LAMA1: variants seen among roughly 807,000 people sequenced by gnomAD.
LAMA1 encodes laminin subunit alpha-1.
Under a neutral mutation model 348.7 loss-of-function variants are expected in LAMA1, and 219 were observed. The observed-to-expected ratio is 0.63, with a 90% CI of 0.56 to 0.70. The LOEUF (loss-of-function observed/expected upper bound fraction) is 0.70. Ranked by LOEUF, LAMA1 falls within the 30% of genes least tolerant of loss-of-function variation. The pLI, the probability that LAMA1 is intolerant of heterozygous loss-of-function variation, is 0.00. For missense variants in LAMA1, 3,744 were observed against 3,888.0 expected (o/e 0.96, Z 0.99); for synonymous variants, 1,487 against 1,491.0 (o/e 1.00, Z 0.06).
chr18:7,026,003 C>A lies in LAMA1; in HGVS notation c.2378G>T (p.Cys793Phe). Reference protein sequence around the residue: ...GTPGDCQPCACPLTIASNNFS... With the variant: ...GTPGDCQPCAFPLTIASNNFS... The stretch of plus-strand genomic sequence containing the variant: ...CTTGTTGGAGGCTATGGTGAGAGGG[C>A]AGGCGCAGGGCTGGCAGTCCCCAGG... Residue 793 changes from cysteine (C) to phenylalanine (F), a missense_variant, in exon 17 of 63, where the codon TGC (cysteine) becomes TTC (phenylalanine). This residue lies in a region of LAMA1 where 1,529 missense variants were observed against 1,689.4 expected (regional missense o/e 0.91). Coordinates refer to ENST00000389658, the MANE Select transcript of LAMA1 (RefSeq NM_005559.4). The A allele has an allele frequency of 6.2e-7, 1 of 1,608,720 alleles. No individual in the cohort carries two copies. The highest frequency in any genetic ancestry group is 8.5e-7 in the Non-Finnish European group (1 of 1,177,620).
intron 1 of LAMA1, among the ~76,000 whole-genome samples, chr18:7,114,494 G>C (rs2058348303): frequency 6.6e-6 from 1 of 152,180 alleles, no homozygotes; most frequent in Non-Finnish European, 1.5e-5. Flanking sequence ...TTATAAAATA[G>C]TAACAGTGAT....
chr18:7,078,632 A>G, intron 3 of LAMA1, among the ~76,000 whole-genome samples: 1 of 152,310 alleles, frequency 6.6e-6, no homozygotes, highest in East Asian at 1.9e-4. Flanking sequence ...TATTTGCTGT[A>G]ATTATTACAG....
intron 41 of LAMA1, among the ~76,000 whole-genome samples, chr18:6,981,546 T>C (rs1333808416): frequency 6.6e-6 from 1 of 152,238 alleles, no homozygotes; most frequent in Non-Finnish European, 1.5e-5. Context: ...AAATTTTAAT[T>C]GCCAGCAAGC....
chr18:6,974,720 T>A (rs2144034578), intron 46 of LAMA1, among the ~76,000 whole-genome samples, 183 bp downstream of exon 46: 1 of 152,250 alleles, frequency 6.6e-6, no homozygotes, highest in South Asian at 2.1e-4. Context: ...AGTGCTGGGA[T>A]TACAGGTGTG....
chr18:6,961,728 C>G lies in LAMA1; in HGVS notation c.7484G>C (p.Gly2495Ala). 1 of 1,614,128 alleles carries G rather than the reference C, an allele frequency of 6.2e-7. No homozygotes were observed. The highest frequency in any genetic ancestry group is 8.5e-7 in the Non-Finnish European group (1 of 1,180,010). ...PIRSVSFLKG[G>A]YIELPPKSLS... ...AGATTTGGGTGGCAATTCAATGTAG[C>G]CGCCTTTCAGGAAGCTAACACTCCG... Residue 2495 changes from glycine to alanine, a missense_variant, in exon 53 of 63, where the codon GGC becomes GCC. Physicochemically the swap from Gly to Ala is moderately conservative, Grantham distance 60 (BLOSUM62 0). Around this residue, in one of 3 missense-constraint regions of LAMA1, gnomAD observed 1,983 missense variants for 1,934.3 expected, o/e 1.03. Coordinates refer to ENST00000389658, the MANE Select transcript of LAMA1 (RefSeq NM_005559.4).
At chr18:7,014,543 G>A (rs1392831904) in intron 22 of LAMA1, among the ~76,000 whole-genome samples, 1 of 150,760 alleles carries the variant, frequency 6.6e-6, no homozygotes, top group Non-Finnish European at 1.5e-5. Context: ...GATTGCTTGA[G>A]CCCAAGAGGT....
intron 53 of LAMA1, among the ~76,000 whole-genome samples, chr18:6,960,991 C>T (rs1329540373): frequency 6.6e-6 from 1 of 152,222 alleles, no homozygotes; most frequent in Non-Finnish European, 1.5e-5. Flanking sequence ...TTGATTAAGA[C>T]AGTGTGCTAA....
intron 3 of LAMA1, among the ~76,000 whole-genome samples, chr18:7,065,232 C>CAAAAAAAAAAAAAAAAAAAAAAAAAAA (rs35224545): frequency 1.4e-5 from 1 of 71,422 alleles, no homozygotes; most frequent in African/African-American, 6.0e-5. Context: ...GACTCTATCT[C>CAAAAAAAAAAAAAAAAAAAAAAAAAAA]AAAAAAAAAA....
intron 36 of LAMA1, 81 bp downstream of exon 36, chr18:6,992,480 G>C: frequency 1.3e-6 from 2 of 1,486,836 alleles, no homozygotes; most frequent in Non-Finnish European, 1.9e-6. Context: ...TTTCTTCCAC[G>C]ATGCCTCCTT....
intron 16 of LAMA1, among the ~76,000 whole-genome samples, chr18:7,031,628 C>T (rs2057969383): frequency 6.7e-6 from 1 of 150,108 alleles, no homozygotes; most frequent in Non-Finnish European, 1.5e-5. Flanking sequence ...CTGCAGTAAG[C>T]AGTGTTGGTG....
chr18:6,980,726 G>A (rs1240517277), intron 41 of LAMA1, 89 bp from the exon 42 acceptor site: 1 of 740,920 alleles, frequency 1.3e-6, no homozygotes, highest in Non-Finnish European at 2.4e-6. Flanking sequence ...ACCATCGACA[G>A]AATTCATAGC....
chr18:7,043,112 A>C (rs1294673025), intron 8 of LAMA1, 115 bp downstream of exon 8: 1 of 975,618 alleles, frequency 1.0e-6, no homozygotes, highest in Non-Finnish European at 1.6e-6. Context: ...TGGCATAACA[A>C]GGATATAAAT....
rs1476201372 is a variant in LAMA1, at chr18:6,966,134, C to T, written c.7050+13G>A. On this transcript the variant is annotated intron_variant, in intron 49 of 62. Coordinates refer to ENST00000389658, the MANE Select transcript of LAMA1 (RefSeq NM_005559.4). ...GTATACAGTAGGGCCTAGGGCCGCACAAACACTCTTACTGTGCCGTATGAA... is the reference window on the plus strand; with the variant it reads ...GTATACAGTAGGGCCTAGGGCCGCATAAACACTCTTACTGTGCCGTATGAA... 6.2e-7 allele frequency: 1 copy of T among 1,614,006 alleles called. No homozygotes were observed.
At chr18:6,965,715 C>A (rs536915471) in intron 49 of LAMA1, 2 of 450,288 alleles carry the variant, frequency 4.4e-6, no homozygotes, top group Non-Finnish European at 8.0e-6. Context: ...ACAAGGGGCC[C>A]GTTCTAAAAA....
chr18:7,068,246 A>G (rs1444816780), intron 3 of LAMA1, among the ~76,000 whole-genome samples: 2 of 152,110 alleles, frequency 1.3e-5, no homozygotes, highest in South Asian at 2.1e-4. Context: ...GCAGAAGCCT[A>G]TTTTTCCCCA....
At chr18:6,956,801 A>T (rs754712715) in intron 55 of LAMA1, 36 bp from the exon 56 acceptor site, 1 of 1,613,240 alleles carries the variant, frequency 6.2e-7, no homozygotes, top group Non-Finnish European at 8.5e-7. Flanking sequence ...CAAAATTAGG[A>T]TATCACAAAC....
At chr18:6,991,213 C>A (rs1043010629) in intron 36 of LAMA1, among the ~76,000 whole-genome samples, 1 of 152,010 alleles carries the variant, frequency 6.6e-6, no homozygotes, top group African/African-American at 2.4e-5. Flanking sequence ...CCTAACAAAT[C>A]AACAACGTCA....
rs141508411 is a variant in LAMA1, at chr18:6,991,682, G to A, written c.5168+879C>T. 6.5e-3 allele frequency among the ~76,000 whole-genome samples: 993 copies of A among 151,972 alleles called. 11 individuals carry two copies. The highest frequency in any genetic ancestry group is 0.023 in the African/African-American group (969 of 41,456). On this transcript the variant is annotated intron_variant, in intron 36 of 62. Transcript: ENST00000389658. Reference sequence around the variant, plus strand: ...TGGGATTACATGCGTGAGCCACCACGCCCAGCCAATAATTCTACTTCTTAA... The same window carrying A: ...TGGGATTACATGCGTGAGCCACCACACCCAGCCAATAATTCTACTTCTTAA...
chr18:7,105,441 AAAATAAATAAATAAAT>A (rs762965770), intron 1 of LAMA1, among the ~76,000 whole-genome samples: 8 of 144,364 alleles, frequency 5.5e-5, no homozygotes, highest in Non-Finnish European at 1.0e-4. Context: ...TTCATCTCAA[AAAATAAATAAATAAAT>A]AAATAAATAA....
Sources: allele counts gnomAD v4.1 joint callset (sites outside exome capture counted in the v4.1 genomes callset), GRCh38; gene constraint gnomAD v4.1.1; regional missense constraint gnomAD v4.1.1; transcripts MANE v1.5; gene names NCBI Gene and HGNC (gene_info 2026-07-23, HGNC 2026-07-21).